LANCL3: variants seen among roughly 807,000 people sequenced by gnomAD.
LANCL3 encodes lanC-like protein 3.
Under a neutral mutation model 26.5 loss-of-function variants are expected in LANCL3, and 19 were observed. That is an observed-to-expected ratio of 0.72 (90% CI 0.50 to 1.05). The LOEUF (loss-of-function observed/expected upper bound fraction) is 1.05, where lower values mean the gene tolerates loss of function less well. LANCL3 is among the 50% of genes least tolerant of loss of function. LANCL3 has a pLI of 0.00. For missense variants in LANCL3, 318 were observed against 362.7 expected (o/e 0.88, Z 1.00); for synonymous variants, 160 against 166.6 (o/e 0.96, Z 0.30).
intron 1 of LANCL3, among the ~76,000 whole-genome samples, chrX:37,616,904 C>T (rs1463000647): frequency 9.0e-6 from 1 of 111,384 alleles, no homozygotes; most frequent in African/African-American, 3.3e-5. Context: ...TGGATGGACC[C>T]CAGCGGTCTG....
rs147038329 is a variant in LANCL3, at chrX:37,594,309, G to A, written c.573+21866G>A. Among the ~76,000 whole-genome samples the A allele has an allele frequency of 1.5e-3, 173 of 112,099 alleles. 1 individual carries two copies. The highest frequency in any genetic ancestry group is 5.5e-3 in the African/African-American group (169 of 30,919). ...TTGCTAAGTGCTTTTTACATAAGCT[G>A]TCCTATTTAATTCTTGCAATATCTC... On this transcript the variant is annotated intron_variant, in intron 1 of 4. Transcript: ENST00000378619.
intron 1 of LANCL3, among the ~76,000 whole-genome samples, chrX:37,627,229 G>T (rs948082242): frequency 1.8e-5 from 2 of 111,696 alleles, no homozygotes; most frequent in Non-Finnish European, 3.8e-5. Context: ...TTTCTGGCTC[G>T]GCAGTATGCC....
In LANCL3 at chrX:37,571,969, C is replaced by A. The variant is rs781861332; in HGVS notation, c.99C>A (p.Ala33=). 1.1e-5 allele frequency: 13 copies of A among 1,197,895 alleles called. No individual in the cohort carries two copies. Among genetic ancestry groups the A allele is most frequent in the Non-Finnish European group, 1.5e-5 (13 of 889,286 alleles). Residue 33 remains alanine, a synonymous_variant, in exon 1 of 5, where the codon GCC becomes GCA. Coordinates refer to ENST00000378619, the MANE Select transcript of LANCL3 (RefSeq NM_001170331.2). ...AGGCGGTGGCGCCCTTGGTCACCGC[C>A]ACCATCGAGCGCATCCTCCAGGAGC... ...CEEAVAPLVT[A]TIERILQELP...
At chrX:37,621,404 A>G (rs1304820665) in intron 1 of LANCL3, among the ~76,000 whole-genome samples, 2 of 112,288 alleles carry the variant, frequency 1.8e-5, no homozygotes, top group Non-Finnish European at 3.8e-5. Flanking sequence ...TACAGGCATT[A>G]AGCTTAAGGA....
chrX:37,675,677 A>G lies in LANCL3; in HGVS notation c.1127A>G (p.Glu376Gly). The G allele has an allele frequency of 2.6e-6, 3 of 1,143,141 alleles. No individual in the cohort carries two copies. Among genetic ancestry groups the G allele is most frequent in the Non-Finnish European group, 3.5e-6 (3 of 860,915 alleles). 94.2% of individuals were successfully genotyped at this position (1,143,141 alleles called of 1,213,427 possible). The change falls in exon 5 of 5, where the codon GAG (glutamate) becomes GGG (glycine). Residue 376 changes from glutamate (E) to glycine (G), a missense_variant. Transcript: ENST00000378619. ...AGGTTTGCTCAATTCTTATTTACCG[A>G]GGAATTCAAGGCCGGTTCTCGGGTC... ...AQRFAQFLFT[E>G]EFKAGSRVLE...
Position 37,571,695 on chromosome X carries a change from T to G in LANCL3, c.-176T>G, listed in dbSNP as rs782338197. The G allele has an allele frequency of 1.3e-5, 5 of 397,609 alleles. No individual in the cohort carries two copies. The East Asian group carries it at 1.8e-4, about 14-fold the overall frequency. 32.8% of individuals were successfully genotyped at this position (397,609 alleles called of 1,213,427 possible). A position where few individuals can be genotyped will look rare whatever the true frequency, so the allele number is the denominator to read the frequency against. On this transcript the variant is annotated 5_prime_UTR_variant, in exon 1 of 5. Transcript: ENST00000378619. ...CCTCGCGGCAGCCCGGCGCCCCACT[T>G]GGCCATCCGCTCCTTGCCCGCCTCC...
intron 1 of LANCL3, among the ~76,000 whole-genome samples, chrX:37,633,420 C>T (rs1328392478): frequency 8.9e-6 from 1 of 111,811 alleles, no homozygotes; most frequent in Non-Finnish European, 1.9e-5. Context: ...AAGCCTTCTT[C>T]TCTCACCTCG....
rs1013987869 is a variant in LANCL3, at chrX:37,683,857, T to C, written c.*8044T>C. Reference sequence around the variant, plus strand: ...ATGTACATAATATTTTTAAAAATAATGGGTATTTTGGTCCTAGTGAAAAAG... The same window carrying C: ...ATGTACATAATATTTTTAAAAATAACGGGTATTTTGGTCCTAGTGAAAAAG... On this transcript the variant is annotated 3_prime_UTR_variant, in exon 5 of 5. Coordinates refer to ENST00000378619, the MANE Select transcript of LANCL3 (RefSeq NM_001170331.2). 7.1e-5 allele frequency: 8 copies of C among 111,983 alleles called. No homozygotes were observed. The highest frequency in any genetic ancestry group is 1.1e-4 in the Non-Finnish European group (6 of 53,217). The allele number at this position is 111,983 out of a possible 1,213,427, so 9.2% of individuals were successfully genotyped here.
intron 1 of LANCL3, among the ~76,000 whole-genome samples, chrX:37,632,819 A>G (rs1408452672): frequency 8.9e-5 from 10 of 112,091 alleles, no homozygotes; most frequent in African/African-American, 2.9e-4. Flanking sequence ...CTGCCAAGAG[A>G]TCAGCTGTTA....
intron 4 of LANCL3, among the ~76,000 whole-genome samples, chrX:37,673,340 G>T (rs1486230862): frequency 1.8e-5 from 2 of 109,760 alleles, no homozygotes; most frequent in African/African-American, 6.6e-5. Flanking sequence ...CTTTTATTTT[G>T]TTATGTTCTA....
chrX:37,635,504 T>G (rs1925681485), intron 1 of LANCL3, among the ~76,000 whole-genome samples: 1 of 111,827 alleles, frequency 8.9e-6, no homozygotes, highest in Admixed American at 9.5e-5. Context: ...TATTTAAACA[T>G]TAAAAACCAT....
chrX:37,653,367 G>GA (rs1926205012), intron 1 of LANCL3, among the ~76,000 whole-genome samples: 1 of 112,060 alleles, frequency 8.9e-6, no homozygotes, highest in Admixed American at 9.4e-5. Context: ...TTATAGGCAT[G>GA]AAAGTCAAAT....
chrX:37,670,502 C>T (rs2146793424), intron 4 of LANCL3, among the ~76,000 whole-genome samples: 1 of 110,779 alleles, frequency 9.0e-6, no homozygotes, highest in South Asian at 3.8e-4. Context: ...CTAGAAATTA[C>T]TTTTTAAATG....
intron 1 of LANCL3, among the ~76,000 whole-genome samples, chrX:37,596,516 TA>T (rs1402396441): frequency 8.9e-6 from 1 of 112,304 alleles, no homozygotes; most frequent in Non-Finnish European, 1.9e-5. Context: ...TAGCGTTTTT[TA>T]AAAGAGATTT....
intron 1 of LANCL3, among the ~76,000 whole-genome samples, chrX:37,655,364 T>C (rs1926256693): frequency 8.9e-6 from 1 of 111,848 alleles, no homozygotes; most frequent in Admixed American, 9.5e-5. Context: ...TATTTGTTCT[T>C]TTCTGAGCAA....
chrX:37,670,113 C>T (rs1254582333), intron 4 of LANCL3, among the ~76,000 whole-genome samples: 1 of 112,035 alleles, frequency 8.9e-6, no homozygotes, highest in African/African-American at 3.2e-5. Flanking sequence ...CATTTCTGTG[C>T]ACTTGTGAAA....
intron 1 of LANCL3, among the ~76,000 whole-genome samples, chrX:37,640,971 G>A (rs1168808121): frequency 1.8e-5 from 2 of 111,477 alleles, no homozygotes; most frequent in African/African-American, 6.5e-5. Flanking sequence ...GCAGATGGTG[G>A]TGGCAACTCC....
At chrX:37,619,381 T>C (rs1556422065) in intron 1 of LANCL3, among the ~76,000 whole-genome samples, 1 of 111,574 alleles carries the variant, frequency 9.0e-6, no homozygotes, top group African/African-American at 3.3e-5. Flanking sequence ...CAGGATTGTC[T>C]GCGGAAAATC....
chrX:37,659,438 T>G (rs782449852), intron 2 of LANCL3, 24 bp from the exon 3 acceptor site: 1 of 1,156,703 alleles, frequency 8.6e-7, no homozygotes. Flanking sequence ...TTGTGTGAAT[T>G]TTATGCCTTG....
Sources: allele counts gnomAD v4.1 joint callset (sites outside exome capture counted in the v4.1 genomes callset), GRCh38; gene constraint gnomAD v4.1.1; transcripts MANE v1.5; gene names NCBI Gene and HGNC (gene_info 2026-07-23, HGNC 2026-07-21).